Variants in RAB11FIP4 observed in about 807,000 individuals in gnomAD.
The protein encoded by RAB11FIP4 is rab11 family-interacting protein 4.
Under a neutral mutation model 74.3 loss-of-function variants are expected in RAB11FIP4, and 23 were observed. That is an observed-to-expected ratio of 0.31 (90% CI 0.22 to 0.44). The LOEUF (loss-of-function observed/expected upper bound fraction) is 0.44, where lower values mean the gene tolerates loss of function less well. RAB11FIP4 is among the 20% of genes least tolerant of loss of function. The probability of loss-of-function intolerance (pLI) is 1.00; values close to 1 mark genes in which losing one functional copy is unlikely to be tolerated. For synonymous variants in RAB11FIP4, 360 were observed against 359.9 expected (o/e 1.00, Z 0.00); for missense variants, 630 against 863.9 (o/e 0.73, Z 3.39).
intron 3 of RAB11FIP4, among the ~76,000 whole-genome samples, chr17:31,445,879 G>A (rs1052007482): frequency 1.4e-4 from 22 of 151,806 alleles, no homozygotes; most frequent in Admixed American, 2.6e-4. Flanking sequence ...GTGAGCCACC[G>A]CACCCAGCCA....
intron 3 of RAB11FIP4, among the ~76,000 whole-genome samples, chr17:31,501,059 A>G (rs1166299382): frequency 6.6e-6 from 1 of 152,098 alleles, no homozygotes; most frequent in Non-Finnish European, 1.5e-5. Flanking sequence ...ACTTACTTAG[A>G]TTGGCATATA....
chr17:31,425,205 G>A (rs1597909159), intron 1 of RAB11FIP4, among the ~76,000 whole-genome samples: 1 of 152,184 alleles, frequency 6.6e-6, no homozygotes, highest in Non-Finnish European at 1.5e-5. Flanking sequence ...CCCAGGTGGT[G>A]GCGAGGATTA....
chr17:31,516,617 G>GCC (rs1846442079), intron 3 of RAB11FIP4, among the ~76,000 whole-genome samples: 1 of 152,204 alleles, frequency 6.6e-6, no homozygotes, highest in Non-Finnish European at 1.5e-5. Flanking sequence ...CTACAGGCAT[G>GCC]CGCCACCTCG....
intron 3 of RAB11FIP4, among the ~76,000 whole-genome samples, chr17:31,450,924 T>C (rs1316705354): frequency 1.3e-5 from 2 of 152,082 alleles, no homozygotes; most frequent in Non-Finnish European, 2.9e-5. Flanking sequence ...CCACCTCCCC[T>C]ACCTGGTCAC....
At chr17:31,441,153 T>C (rs2071403781) in intron 3 of RAB11FIP4, among the ~76,000 whole-genome samples, 1 of 152,038 alleles carries the variant, frequency 6.6e-6, no homozygotes, top group South Asian at 2.1e-4. Flanking sequence ...GCCTCCCTAG[T>C]AGGTGGGACT....
intron 7 of RAB11FIP4, 132 bp from the exon 8 acceptor site, chr17:31,523,380 G>A: frequency 1.4e-6 from 1 of 737,776 alleles, no homozygotes; most frequent in South Asian, 1.5e-5. Flanking sequence ...CTTCCTCTCA[G>A]GCTGAGTGAG....
intron 1 of RAB11FIP4, among the ~76,000 whole-genome samples, chr17:31,411,096 G>T (rs893355243): frequency 2.0e-5 from 3 of 152,198 alleles, no homozygotes; most frequent in Admixed American, 6.5e-5. Flanking sequence ...GGGCGCGGTG[G>T]CTCACGCCTG....
chr17:31,481,983 C>T (rs577476688), intron 3 of RAB11FIP4, among the ~76,000 whole-genome samples: 58 of 152,262 alleles, frequency 3.8e-4, no homozygotes, highest in Non-Finnish European at 5.9e-4. Flanking sequence ...GTCACCAACA[C>T]CGGAGTGTTT....
chr17:31,441,383 T>C (rs2071405875), intron 3 of RAB11FIP4, among the ~76,000 whole-genome samples: 1 of 152,168 alleles, frequency 6.6e-6, no homozygotes, highest in Admixed American at 6.6e-5. Flanking sequence ...AGGGTGACTA[T>C]ATTTGGAGTT....
intron 3 of RAB11FIP4, among the ~76,000 whole-genome samples, chr17:31,477,984 T>C (rs2071810935): frequency 1.4e-5 from 2 of 147,824 alleles, no homozygotes; most frequent in South Asian, 2.1e-4. Flanking sequence ...ATGTGGCCAT[T>C]TGCTGTTAAT....
chr17:31,461,810 C>T (rs1597930395), intron 3 of RAB11FIP4, among the ~76,000 whole-genome samples: 3 of 152,112 alleles, frequency 2.0e-5, no homozygotes, highest in South Asian at 2.1e-4. Context: ...TACAGAATCT[C>T]ACTACAGATA....
chr17:31,503,589 C>T lies in RAB11FIP4; in HGVS notation c.337-14062C>T, dbSNP rs540336828. 4.7e-5 allele frequency among the ~76,000 whole-genome samples: 7 copies of T among 149,760 alleles called. No individual in the cohort carries two copies. The South Asian group carries it at 1.5e-3, about 31-fold the overall frequency. On this transcript the variant is annotated intron_variant, in intron 3 of 14. Coordinates refer to ENST00000621161, the MANE Select transcript of RAB11FIP4 (RefSeq NM_032932.6). ...ACCCCCTGGGGATGGCTCTTGACCACCTGCTCTATTTGGAAACATTTCTAG... is the reference window on the plus strand; with the variant it reads ...ACCCCCTGGGGATGGCTCTTGACCATCTGCTCTATTTGGAAACATTTCTAG...
chr17:31,475,413 A>G (rs1022130632), intron 3 of RAB11FIP4, among the ~76,000 whole-genome samples: 1 of 152,258 alleles, frequency 6.6e-6, no homozygotes, highest in Non-Finnish European at 1.5e-5. Context: ...AAGACGTGGT[A>G]GGTTCAGCAA....
At chr17:31,522,423 T>TTG (rs1448839957) in intron 7 of RAB11FIP4, 28 bp downstream of exon 7, 1 of 1,609,534 alleles carries the variant, frequency 6.2e-7, no homozygotes, top group Non-Finnish European at 8.5e-7. Flanking sequence ...GGAGGGCAAA[T>TTG]TGAGTGCTGT....
Position 31,504,059 on chromosome 17 carries a change from T to G in RAB11FIP4, c.337-13592T>G, listed in dbSNP as rs537925118. 1.1e-4 allele frequency among the ~76,000 whole-genome samples: 16 copies of G among 149,536 alleles called. 2 individuals are homozygous for G. The highest frequency in any genetic ancestry group is 3.6e-4 in the African/African-American group (14 of 38,932). ...TTATCCAAAAGACAGGCAATAACAC[T>G]TTTCCTTCACTAGTTCAGCAAATTT... is the stretch of plus-strand genomic sequence containing the variant. On this transcript the variant is annotated intron_variant, in intron 3 of 14. Coordinates refer to ENST00000621161, the MANE Select transcript of RAB11FIP4 (RefSeq NM_032932.6).
At chr17:31,523,422 G>C (rs2072704722) in intron 7 of RAB11FIP4, 90 bp from the exon 8 acceptor site, 1 of 1,000,200 alleles carries the variant, frequency 1.0e-6, no homozygotes, top group Non-Finnish European at 1.6e-6. Flanking sequence ...GACCCCCTGG[G>C]GTACTGGATG....
chr17:31,502,821 C>G (rs912428293), intron 3 of RAB11FIP4, among the ~76,000 whole-genome samples: 4 of 152,118 alleles, frequency 2.6e-5, no homozygotes, highest in African/African-American at 9.7e-5. Context: ...ATTCTGGAGG[C>G]TGAAGTCTAG....
At chr17:31,509,668 G>C (rs542769322) in intron 3 of RAB11FIP4, among the ~76,000 whole-genome samples, 1 of 152,306 alleles carries the variant, frequency 6.6e-6, no homozygotes, top group African/African-American at 2.4e-5. Context: ...ATTTCTTCCT[G>C]ATCAGAGCGG....
intron 3 of RAB11FIP4, among the ~76,000 whole-genome samples, chr17:31,500,360 C>T (rs1303439649): frequency 6.6e-6 from 1 of 152,128 alleles, no homozygotes; most frequent in East Asian, 1.9e-4. Context: ...CAGTAGCGGC[C>T]CTCCTTCCCA....
Sources: allele counts gnomAD v4.1 joint callset (sites outside exome capture counted in the v4.1 genomes callset), GRCh38; gene constraint gnomAD v4.1.1; transcripts MANE v1.5; gene names NCBI Gene and HGNC (gene_info 2026-07-23, HGNC 2026-07-21).